The following GCNT2 variants were observed in gnomAD, a reference collection of about 807,000 sequenced individuals.
The protein encoded by GCNT2 is N-acetyllactosaminide beta-1,6-N-acetylglucosaminyl-transferase.
A neutral mutation model predicts 34.2 loss-of-function variants in GCNT2; 34 were observed. That is an observed-to-expected ratio of 1.00 (90% confidence interval 0.76 to 1.32). The LOEUF is 1.32. Ranked by LOEUF, GCNT2 falls within the 40% of genes most tolerant of loss-of-function variation. GCNT2 has a pLI of 0.00. For missense variants in GCNT2, 584 were observed against 489.4 expected (o/e 1.19, Z -1.82); for synonymous variants, 212 against 188.0 (o/e 1.13, Z -1.04).
At chr6:10,609,791 T>C (rs1581479326) in intron 3 of GCNT2, among the ~76,000 whole-genome samples, 1 of 151,990 alleles carries the variant, frequency 6.6e-6, no homozygotes, top group Non-Finnish European at 1.5e-5. Flanking sequence ...GGGGAACAAA[T>C]GTAGAAATGT....
intron 3 of GCNT2, among the ~76,000 whole-genome samples, chr6:10,587,747 ACT>A (rs1408818907): frequency 1.3e-5 from 2 of 151,592 alleles, no homozygotes; most frequent in Non-Finnish European, 2.9e-5. Context: ...TCTTTTCTAA[ACT>A]CTGTTTCCCA....
At chr6:10,533,615 C>T (rs1451779160) in intron 3 of GCNT2, among the ~76,000 whole-genome samples, 2 of 151,310 alleles carry the variant, frequency 1.3e-5, no homozygotes, top group African/African-American at 4.9e-5. Flanking sequence ...TGGTGAAACC[C>T]CAACTCTACT....
intron 3 of GCNT2, among the ~76,000 whole-genome samples, chr6:10,561,632 T>G (rs1762988556): frequency 6.6e-6 from 1 of 152,226 alleles, no homozygotes; most frequent in African/African-American, 2.4e-5. Context: ...CAGGGTGGTT[T>G]CGTCTCTAAG....
chr6:10,569,771 C>T lies in GCNT2; in HGVS notation c.925+39935C>T, dbSNP rs1188714495. ...CATTTCTCAGTGTAGTTTTTCCATG[C>T]TAGGACTACTCATAAACCTGTCTTT... On this transcript the variant is annotated intron_variant, in intron 3 of 4. Transcript: ENST00000495262. 2.0e-5 allele frequency among the ~76,000 whole-genome samples: 3 copies of T among 152,312 alleles called. 1 individual carries two copies. The South Asian group carries it at 6.2e-4, about 32-fold the overall frequency.
At chr6:10,526,800 A>G (rs987737745) in intron 1 of GCNT2, among the ~76,000 whole-genome samples, 1 of 152,180 alleles carries the variant, frequency 6.6e-6, no homozygotes. Context: ...GAAACTATCT[A>G]CGATATTATG....
intron 3 of GCNT2, chr6:10,586,450 C>A: frequency 6.2e-7 from 1 of 1,614,172 alleles, no homozygotes; most frequent in Non-Finnish European, 8.5e-7. Flanking sequence ...TTCATTGCTT[C>A]AAAGACAGAG....
chr6:10,527,269 A>AC (rs1561775369), intron 1 of GCNT2: 1 of 152,202 alleles, frequency 6.6e-6, no homozygotes, highest in Non-Finnish European at 1.5e-5. Context: ...TACTAAAAAT[A>AC]CAAAAATTAG....
At chr6:10,546,730 CTTTTA>C (rs370882706) in intron 3 of GCNT2, among the ~76,000 whole-genome samples, 118 of 152,088 alleles carry the variant, frequency 7.8e-4, no homozygotes, top group African/African-American at 2.0e-3. Flanking sequence ...AGTTTTCAAC[CTTTTA>C]TTTTATTTAT....
At chr6:10,611,334 CTT>C (rs200808872) in intron 3 of GCNT2, among the ~76,000 whole-genome samples, 18,014 of 136,304 alleles carry the variant, frequency 0.13, 1,735 homozygotes, top group African/African-American at 0.29. Flanking sequence ...TTCTTTCTTT[CTT>C]TTTTTTTTTT....
At chr6:10,625,531 A>G (rs1415435154) in intron 4 of GCNT2, among the ~76,000 whole-genome samples, 1 of 152,136 alleles carries the variant, frequency 6.6e-6, no homozygotes, top group African/African-American at 2.4e-5. Flanking sequence ...AAAAAAAAAA[A>G]ATTTCAATAT....
In GCNT2 at chr6:10,529,271, C is replaced by A. The variant is rs144099936; in HGVS notation, c.360C>A (p.Pro120=). 5.5e-5 allele frequency: 88 copies of A among 1,614,082 alleles called. No homozygotes were observed. Among genetic ancestry groups the A allele is most frequent in the Admixed American group, 1.2e-4 (7 of 60,006 alleles). The change falls in exon 3 of 5, where the codon CCC becomes CCA. Residue 120 remains proline, a synonymous_variant. Transcript: ENST00000495262. The part of the protein sequence containing the change: ...FERLFRAIYM[P]QNVYCVHLDQ... ...GGCTCTTCAGGGCGATTTATATGCC[C>A]CAAAATGTCTACTGTGTGCACCTGG...
intron 3 of GCNT2, among the ~76,000 whole-genome samples, chr6:10,589,271 G>A (rs1409078751): frequency 2.0e-5 from 3 of 147,970 alleles, no homozygotes; most frequent in Non-Finnish European, 4.5e-5. Flanking sequence ...TGTGTGGGGT[G>A]TGTGTGTTTC....
At chr6:10,588,009 G>C (rs1437761180) in intron 3 of GCNT2, among the ~76,000 whole-genome samples, 3 of 152,182 alleles carry the variant, frequency 2.0e-5, no homozygotes. Flanking sequence ...ATACTTTCAA[G>C]TGCTGTTTGA....
Position 10,606,591 on chromosome 6 carries a change from A to C in GCNT2, c.926-14760A>C, listed in dbSNP as rs367556331. Among the ~76,000 whole-genome samples the C allele has an allele frequency of 1.6e-3, 247 of 152,168 alleles. 1 individual carries two copies. Among genetic ancestry groups the C allele is most frequent in the African/African-American group, 5.6e-3 (232 of 41,512 alleles). ...GAGTTTTTTCTAGTTAATTTTGAGA[A>C]TGTACCTTTAACTTCCATTAAAGAA... On this transcript the variant is annotated intron_variant, in intron 3 of 4. Transcript: ENST00000495262.
At chr6:10,535,578 C>T (rs987173653) in intron 3 of GCNT2, among the ~76,000 whole-genome samples, 10 of 152,296 alleles carry the variant, frequency 6.6e-5, no homozygotes, top group East Asian at 5.8e-4. Context: ...GTAATAGGGA[C>T]ATTCAGTGAG....
chr6:10,605,441 C>G, intron 3 of GCNT2, among the ~76,000 whole-genome samples: 1 of 151,292 alleles, frequency 6.6e-6, no homozygotes, highest in East Asian at 2.0e-4. Flanking sequence ...AACTCCTGGG[C>G]TCAGGCGATT....
Position 10,529,201 on chromosome 6 carries a change from T to C in GCNT2, c.290T>C (p.Leu97Ser). 6.2e-7 allele frequency: 1 copy of C among 1,614,196 alleles called. No homozygotes were observed. The highest frequency in any genetic ancestry group is 8.5e-7 in the Non-Finnish European group (1 of 1,180,028). The change falls in exon 3 of 5, where the codon TTA (leucine) becomes TCA (serine). Residue 97 changes from leucine to serine, a missense_variant. Coordinates refer to ENST00000495262, the MANE Select transcript of GCNT2 (RefSeq NM_145649.5). The stretch of plus-strand genomic sequence containing the variant: ...TCTGAAGAAGAGGCTGGGTTCCCTT[T>C]AGCTTACACAGTGACCATCCACAAA... The part of the protein sequence containing the change: ...TLSEEEAGFP[L>S]AYTVTIHKDF...
intron 3 of GCNT2, among the ~76,000 whole-genome samples, chr6:10,552,793 A>G (rs189404760): frequency 6.6e-6 from 1 of 152,278 alleles, no homozygotes; most frequent in East Asian, 1.9e-4. Context: ...CTCTTAGGTC[A>G]GGGGAAAAAA....
intron 3 of GCNT2, among the ~76,000 whole-genome samples, chr6:10,578,391 T>TAAAA (rs55708119): frequency 3.4e-5 from 3 of 87,050 alleles, no homozygotes; most frequent in East Asian, 7.5e-4. Flanking sequence ...TGTCTAAAAG[T>TAAAA]AAAAAAAAAA....
Sources: allele counts gnomAD v4.1 joint callset (sites outside exome capture counted in the v4.1 genomes callset), GRCh38; gene constraint gnomAD v4.1.1; transcripts MANE v1.5; gene names NCBI Gene and HGNC (gene_info 2026-07-23, HGNC 2026-07-21).